Variants in POTEJ observed in about 807,000 individuals in gnomAD.
POTEJ encodes POTE ankyrin domain family, member J.
Under a neutral mutation model 69.0 loss-of-function variants are expected in POTEJ, and 11 were observed. The ratio of observed to expected loss-of-function variants is 0.16; its 90% CI spans 0.10 to 0.26. The LOEUF (loss-of-function observed/expected upper bound fraction) is 0.26. Among genes scored for constraint, POTEJ ranks in the 10% least tolerant of loss-of-function variants. The pLI, the probability that POTEJ is intolerant of heterozygous loss-of-function variation, is 1.00. For synonymous variants in POTEJ, 117 were observed against 381.1 expected (o/e 0.31, Z 8.07); for missense variants, 327 against 1,045.5 (o/e 0.31, Z 9.48).
At chr2:130,650,079 G>T (rs1686751964) in intron 13 of POTEJ, among the ~76,000 whole-genome samples, 1 of 152,270 alleles carries the variant, frequency 6.6e-6, no homozygotes, top group African/African-American at 2.4e-5. Context: ...TCAGGCTTCA[G>T]ATTCAATTGG....
At chr2:130,613,411 C>G (rs373755174) in intron 1 of POTEJ, among the ~76,000 whole-genome samples, 2 of 100,408 alleles carry the variant, frequency 2.0e-5, no homozygotes, top group Admixed American at 9.5e-5. Flanking sequence ...TATATATATA[C>G]TTTTTTTTTT....
intron 5 of POTEJ, chr2:130,622,971 AT>A (rs1213141341): frequency 2.8e-5 from 4 of 144,502 alleles, no homozygotes; most frequent in Admixed American, 2.7e-4. Context: ...TCATTTGACT[AT>A]TTGCTGACTA....
chr2:130,639,751 C>T (rs1371941041), intron 10 of POTEJ, among the ~76,000 whole-genome samples: 2 of 151,858 alleles, frequency 1.3e-5, no homozygotes, highest in East Asian at 1.9e-4. Flanking sequence ...CTTTAAGGTG[C>T]TCACAACAGA....
rs754311928 is a variant in POTEJ, at chr2:130,657,529, G to A, written c.2769G>A (p.Ala923=). 9.7e-5 allele frequency: 152 copies of A among 1,566,506 alleles called. 16 individuals are homozygous for A. The highest frequency in any genetic ancestry group is 2.7e-4 in the South Asian group (24 of 90,366). The change falls in exon 15 of 15, where the codon GCG becomes GCA. Residue 923 remains alanine (A), a synonymous_variant. Transcript: ENST00000409602. Reference sequence around the variant, plus strand: ...ACGAGTGGTTCCGCTGCCCCGAGGCGCTCTTCCAGCCTTGCTTCCTGGGCA... The same window carrying A: ...ACGAGTGGTTCCGCTGCCCCGAGGCACTCTTCCAGCCTTGCTTCCTGGGCA... ...ISNEWFRCPE[A]LFQPCFLGME... is the part of the protein sequence containing the mutation.
chr2:130,624,939 T>C (rs1390834776), intron 6 of POTEJ, among the ~76,000 whole-genome samples: 1 of 152,078 alleles, frequency 6.6e-6, no homozygotes, highest in Non-Finnish European at 1.5e-5. Flanking sequence ...CTGCTACCAT[T>C]TGCCAAAAGA....
intron 14 of POTEJ, among the ~76,000 whole-genome samples, chr2:130,655,539 A>G (rs1211117276): frequency 2.0e-5 from 3 of 152,248 alleles, no homozygotes; most frequent in African/African-American, 7.2e-5. Flanking sequence ...TTTGAAAACA[A>G]TGACATGCCA....
chr2:130,625,879 G>C (rs1278350922), intron 6 of POTEJ, among the ~76,000 whole-genome samples: 2 of 134,110 alleles, frequency 1.5e-5, no homozygotes, highest in South Asian at 2.3e-4. Flanking sequence ...AGAATGCTTT[G>C]GACTGCAAAT....
intron 1 of POTEJ, among the ~76,000 whole-genome samples, chr2:130,613,337 CAT>C (rs1392297253): frequency 4.4e-5 from 3 of 68,510 alleles, no homozygotes; most frequent in African/African-American, 1.9e-4. Context: ...TGTATATATA[CAT>C]ATATATGTGT....
chr2:130,627,029 C>T (rs372540322), intron 6 of POTEJ, among the ~76,000 whole-genome samples: 4,707 of 150,028 alleles, frequency 0.031, no homozygotes, highest in Non-Finnish European at 0.051. Flanking sequence ...ATGAGAAAGC[C>T]TTGGGGGACA....
At position 130,657,144 on chromosome 2, in the gene POTEJ, T is replaced by C; in HGVS notation, c.2384T>C (p.Met795Thr). 6.4e-7 allele frequency: 1 copy of C among 1,550,800 alleles called. No homozygotes were observed. The change falls in exon 15 of 15, where the codon ATG becomes ACG. Residue 795 changes from methionine to threonine, a missense_variant. Coordinates refer to ENST00000409602, the MANE Select transcript of POTEJ (RefSeq NM_001277083.2). ...TTTGAGACCTTCAACACCCCAGCCA[T>C]GTACGTGGCCATCCAGGCCATGCTG... ...IMFETFNTPA[M>T]YVAIQAMLSL...
rs200361329 is a variant in POTEJ, at chr2:130,647,203, G to A, written c.1667+893G>A. ...TTCACAATTAAAATGTATTTAAAGC[G>A]TTTAGTTTGATGACACATCTTAAGA... On this transcript the variant is annotated intron_variant, in intron 13 of 14. Transcript: ENST00000409602. Among the ~76,000 whole-genome samples the A allele has an allele frequency of 1.4e-3, 211 of 151,120 alleles. No individual in the cohort carries two copies. The East Asian group carries it at 0.024, about 17-fold the overall frequency.
At chr2:130,652,108 A>G (rs1205758705) in intron 13 of POTEJ, among the ~76,000 whole-genome samples, 1 of 137,212 alleles carries the variant, frequency 7.3e-6, no homozygotes, top group Non-Finnish European at 1.5e-5. Flanking sequence ...TTCTTGTGAT[A>G]GTGAGTGAGT....
intron 9 of POTEJ, among the ~76,000 whole-genome samples, chr2:130,636,374 A>G (rs1477576136): frequency 6.7e-6 from 1 of 150,260 alleles, no homozygotes; most frequent in Non-Finnish European, 1.5e-5. Flanking sequence ...AAAGTGATTT[A>G]TCATCTCTAA....
intron 10 of POTEJ, among the ~76,000 whole-genome samples, chr2:130,643,450 C>T (rs1387328414): frequency 4.5e-5 from 6 of 133,374 alleles, no homozygotes; most frequent in East Asian, 2.0e-4. Flanking sequence ...ACCAGGGAGG[C>T]GGAGGTTGCA....
At chr2:130,650,018 G>A (rs1379879477) in intron 13 of POTEJ, among the ~76,000 whole-genome samples, 1 of 152,252 alleles carries the variant, frequency 6.6e-6, no homozygotes. Context: ...AAAAAAAAGA[G>A]AGATAATGAG....
At chr2:130,650,110 C>T (rs1393512863) in intron 13 of POTEJ, among the ~76,000 whole-genome samples, 3 of 152,392 alleles carry the variant, frequency 2.0e-5, no homozygotes, top group Admixed American at 1.3e-4. Context: ...GGGATGCTCT[C>T]TAACGTAATT....
intron 9 of POTEJ, among the ~76,000 whole-genome samples, chr2:130,638,245 G>A (rs1686183316): frequency 6.6e-6 from 1 of 151,354 alleles, no homozygotes. Flanking sequence ...AGTAAAATAA[G>A]GCAGCATAGT....
At chr2:130,626,388 TA>T (rs1237504344) in intron 6 of POTEJ, among the ~76,000 whole-genome samples, 1 of 151,780 alleles carries the variant, frequency 6.6e-6, no homozygotes, top group African/African-American at 2.4e-5. Flanking sequence ...GTCACAAGAT[TA>T]AATTTGAGTA....
chr2:130,627,392 G>A (rs1428351974), intron 6 of POTEJ, among the ~76,000 whole-genome samples: 1 of 142,268 alleles, frequency 7.0e-6, no homozygotes, highest in East Asian at 1.9e-4. Flanking sequence ...TGAACTTAAT[G>A]GATAAAGATG....
Sources: gnomAD v4.1 joint callset for allele counts (sites outside exome capture counted in the v4.1 genomes callset) on GRCh38, gnomAD v4.1.1 for gene constraint, MANE v1.5 for transcripts, NCBI Gene and HGNC (gene_info 2026-07-23, HGNC 2026-07-21) for gene names.